The following DNAH11 variants were observed in gnomAD, a reference collection of about 807,000 sequenced individuals.
The protein encoded by DNAH11 is dynein axonemal heavy chain 11.
DNAH11 carries 442 observed loss-of-function variants against 526.0 expected under a neutral mutation model. The ratio of observed to expected loss-of-function variants is 0.84; its 90% CI spans 0.78 to 0.91. The LOEUF is 0.91. Ranked by LOEUF, DNAH11 falls within the 40% of genes least tolerant of loss-of-function variation. The pLI, the probability that DNAH11 is intolerant of heterozygous loss-of-function variation, is 0.00. For missense variants in DNAH11, 6,989 were observed against 5,448.7 expected, an observed-to-expected ratio of 1.28 and a Z score of -8.90; for synonymous variants, 2,461 against 1,935.9, an observed-to-expected ratio of 1.27 and a Z score of -7.12.
chr7:21,785,562 G>A (rs1285669458), intron 58 of DNAH11, among the ~76,000 whole-genome samples: 2 of 152,160 alleles, frequency 1.3e-5, no homozygotes, highest in Non-Finnish European at 2.9e-5. Context: ...TTGGCAAAAA[G>A]TAAGAGTAAT....
Position 21,708,810 on chromosome 7 carries a change from C to T in DNAH11, c.6683+975C>T, listed in dbSNP as rs191666661. Among the ~76,000 whole-genome samples the T allele has an allele frequency of 1.5e-3, 233 of 152,304 alleles. 5 individuals are homozygous for T. The South Asian group carries it at 0.022, about 14-fold the overall frequency. On this transcript the variant is annotated intron_variant, in intron 40 of 81. Coordinates refer to ENST00000409508, the MANE Select transcript of DNAH11 (RefSeq NM_001277115.2). ...GACTTGCTCCCTTATCTTATTTCAGCATCTGGTGAAATGTCATATCAGAGA... is the reference window on the plus strand; with the variant it reads ...GACTTGCTCCCTTATCTTATTTCAGTATCTGGTGAAATGTCATATCAGAGA...
chr7:21,720,870 T>C lies in DNAH11; in HGVS notation c.7266+14T>C, dbSNP rs890846153. On this transcript the variant is annotated intron_variant, in intron 44 of 81. Transcript: ENST00000409508. The stretch of plus-strand genomic sequence containing the variant: ...CTACAAGATCAGGTATGTTTAGAAA[T>C]AGTTTACAGGACCAGTTTCCAGTTT... The C allele has an allele frequency of 1.9e-6, 3 of 1,609,478 alleles. No homozygotes were observed. Among genetic ancestry groups the C allele is most frequent in the Non-Finnish European group, 8.5e-7 (1 of 1,177,650 alleles).
intron 65 of DNAH11, among the ~76,000 whole-genome samples, chr7:21,834,194 A>T (rs1419828869): frequency 1.3e-5 from 2 of 152,198 alleles, no homozygotes; most frequent in African/African-American, 4.8e-5. Context: ...GAAATCAATA[A>T]CAGGAGAAAC....
intron 28 of DNAH11, among the ~76,000 whole-genome samples, chr7:21,652,781 G>A (rs1040327078): frequency 6.6e-6 from 1 of 152,148 alleles, no homozygotes; most frequent in African/African-American, 2.4e-5. Context: ...TACATGGTGA[G>A]TTATTGGTTC....
rs1583570504 is a variant in DNAH11, at chr7:21,659,211, T to C, written c.5328+180T>C. Among the ~76,000 whole-genome samples the C allele has an allele frequency of 4.6e-5, 7 of 150,708 alleles. 2 individuals carry two copies. In the Admixed American group the frequency reaches 4.7e-4, roughly 10 times the overall value. ...CCTTTGTGGTATCCTTCTAGATTTC[T>C]TTATGGGTTTTTAAAAAGTACATCG... On this transcript the variant is annotated intron_variant, in intron 30 of 81. Coordinates refer to ENST00000409508, the MANE Select transcript of DNAH11 (RefSeq NM_001277115.2).
At chr7:21,748,779 T>C (rs772450341) in intron 52 of DNAH11, 37 bp downstream of exon 52, 48 of 1,577,750 alleles carry the variant, frequency 3.0e-5, no homozygotes, top group Non-Finnish European at 5.2e-6. Flanking sequence ...CTGACCCTTC[T>C]GCTTGGCAGA....
At chr7:21,843,835 A>G (rs1040552465) in intron 66 of DNAH11, among the ~76,000 whole-genome samples, 1 of 152,230 alleles carries the variant, frequency 6.6e-6, no homozygotes, top group African/African-American at 2.4e-5. Context: ...GATGTGAAAA[A>G]TAAAAAGAAT....
intron 42 of DNAH11, among the ~76,000 whole-genome samples, chr7:21,717,484 G>A (rs1310859044): frequency 2.0e-5 from 3 of 152,068 alleles, no homozygotes; most frequent in Non-Finnish European, 2.9e-5. Context: ...ATGACATAGT[G>A]CACTTCCTCA....
intron 51 of DNAH11, among the ~76,000 whole-genome samples, chr7:21,745,820 C>T (rs1183664798): frequency 2.0e-5 from 3 of 152,124 alleles, no homozygotes; most frequent in African/African-American, 7.2e-5. Flanking sequence ...GACTGGGCAT[C>T]CCTGTGAAGA....
At chr7:21,837,695 A>T (rs1782046103) in intron 65 of DNAH11, among the ~76,000 whole-genome samples, 1 of 152,150 alleles carries the variant, frequency 6.6e-6, no homozygotes, top group South Asian at 2.1e-4. Context: ...TACATACTAT[A>T]TTACCATTTG....
chr7:21,701,414 T>C (rs1784053713), intron 36 of DNAH11, among the ~76,000 whole-genome samples: 1 of 151,754 alleles, frequency 6.6e-6, no homozygotes, highest in African/African-American at 2.4e-5. Flanking sequence ...CTCAGCCTCC[T>C]AAGTAAATGA....
Position 21,559,609 on chromosome 7 carries a change from G to A in DNAH11, c.699G>A (p.Pro233=), listed in dbSNP as rs373971291. ...ATTATCTTAATGTTTGTAGGCCACC[G>A]TCAAACGAAAGGATAATACTTCATG... is the stretch of plus-strand genomic sequence containing the variant. ...LDQNCSENKP[P]SNERIILHAI... Residue 233 remains proline (P), a synonymous_variant, in exon 4 of 82, where the codon CCG becomes CCA. Coordinates refer to ENST00000409508, the MANE Select transcript of DNAH11 (RefSeq NM_001277115.2). 3.9e-5 allele frequency: 63 copies of A among 1,600,702 alleles called. No homozygotes were observed. Among genetic ancestry groups the A allele is most frequent in the Non-Finnish European group, 4.7e-5 (55 of 1,174,546 alleles).
rs776804231 is a variant in DNAH11, at chr7:21,779,118, C to T, written c.9483+14C>T. 6.2e-7 allele frequency: 1 copy of T among 1,608,192 alleles called. No individual in the cohort carries two copies. The highest frequency in any genetic ancestry group is 1.7e-5 in the Admixed American group (1 of 59,824). On this transcript the variant is annotated intron_variant, in intron 57 of 81. Coordinates refer to ENST00000409508, the MANE Select transcript of DNAH11 (RefSeq NM_001277115.2). ...GAGGAGCGAAAGGTCAGGCTAATTCCAACATTTAGAGTGCGGAGCTATATT... is the reference window on the plus strand; with the variant it reads ...GAGGAGCGAAAGGTCAGGCTAATTCTAACATTTAGAGTGCGGAGCTATATT...
In DNAH11 at chr7:21,591,409, C is replaced by T. The variant is rs201231307; in HGVS notation, c.2499C>T (p.Asn833=). The change falls in exon 14 of 82, where the codon AAC becomes AAT. Residue 833 remains asparagine, a synonymous_variant. Coordinates refer to ENST00000409508, the MANE Select transcript of DNAH11 (RefSeq NM_001277115.2). ...LEHRVERTQK[N]VKVIQQTMRG... Reference sequence around the variant, plus strand: ...ACAGAGTTGAGCGCACACAGAAAAACGTGAAGGTGATCCAGCAGACCATGA... The same window carrying T: ...ACAGAGTTGAGCGCACACAGAAAAATGTGAAGGTGATCCAGCAGACCATGA... 6.1e-5 allele frequency: 99 copies of T among 1,613,802 alleles called. No individual in the cohort carries two copies. In the African/African-American group the frequency reaches 7.5e-4, roughly 12 times the overall value.
At chr7:21,797,445 G>A (rs1974508) in intron 61 of DNAH11, among the ~76,000 whole-genome samples, 2 of 151,382 alleles carry the variant, frequency 1.3e-5, no homozygotes, top group East Asian at 1.9e-4. Flanking sequence ...TCTCAAACTC[G>A]TGACCTCAGG....
chr7:21,858,699 T>C (rs536158790), intron 68 of DNAH11, among the ~76,000 whole-genome samples: 11 of 152,282 alleles, frequency 7.2e-5, no homozygotes, highest in Admixed American at 5.2e-4. Context: ...AGGTCAGTAA[T>C]TGACTGGGGC....
chr7:21,679,064 AC>A (rs1562486180), intron 30 of DNAH11, among the ~76,000 whole-genome samples: 1 of 152,220 alleles, frequency 6.6e-6, no homozygotes, highest in Non-Finnish European at 1.5e-5. Context: ...TTTAGCCTTT[AC>A]AAAGAAGGAA....
intron 67 of DNAH11, among the ~76,000 whole-genome samples, 176 bp from the exon 68 acceptor site, chr7:21,854,139 T>A (rs1270354272): frequency 6.6e-6 from 1 of 152,180 alleles, no homozygotes; most frequent in African/African-American, 2.4e-5. Flanking sequence ...ATTAAAAAAA[T>A]TATTTTAAAA....
chr7:21,584,190 A>G (rs1784408521), intron 9 of DNAH11, among the ~76,000 whole-genome samples: 1 of 152,226 alleles, frequency 6.6e-6, no homozygotes, highest in Non-Finnish European at 1.5e-5. Context: ...AATGCCCATC[A>G]ATGATAGACT....
Sources: gnomAD v4.1 joint callset for allele counts (sites outside exome capture counted in the v4.1 genomes callset) on GRCh38, gnomAD v4.1.1 for gene constraint, MANE v1.5 for transcripts, NCBI Gene and HGNC (gene_info 2026-07-23, HGNC 2026-07-21) for gene names.